The following SETD3 variants were observed in gnomAD, a reference collection of about 807,000 sequenced individuals.
The protein encoded by SETD3 is SET domain containing 3, actin N3(tau)-histidine methyltransferase, also known as actin-histidine N-methyltransferase.
Under a neutral mutation model 63.0 loss-of-function variants are expected in SETD3, and 19 were observed. The ratio of observed to expected loss-of-function variants is 0.30; its 90% CI spans 0.21 to 0.44. The LOEUF is 0.44. Ranked by LOEUF, SETD3 falls within the 20% of genes least tolerant of loss-of-function variation. The pLI is 1.00. For missense variants in SETD3, 587 were observed against 728.5 expected, an observed-to-expected ratio of 0.81 and a Z score of 2.24; for synonymous variants, 286 against 264.1, an observed-to-expected ratio of 1.08 and a Z score of -0.80.
intron 6 of SETD3, 126 bp from the exon 7 acceptor site, chr14:99,414,060 G>A (rs530543338): frequency 4.6e-4 from 373 of 806,446 alleles, no homozygotes; most frequent in Middle Eastern, 3.7e-3. Context: ...AGCAGGCGGC[G>A]TCCAGCCGCG....
At chr14:99,444,317 G>A (rs1328571557) in intron 6 of SETD3, 1 of 152,172 alleles carries the variant, frequency 6.6e-6, no homozygotes, top group Non-Finnish European at 1.5e-5. Context: ...TGCTCGCTTA[G>A]GCAGCACATA....
At chr14:99,414,089 G>A (rs959970872) in intron 6 of SETD3, among the ~76,000 whole-genome samples, 155 bp from the exon 7 acceptor site, 2 of 152,256 alleles carry the variant, frequency 1.3e-5, no homozygotes, top group African/African-American at 2.4e-5. Context: ...GGATCATCGC[G>A]CTGTTATGCT....
chr14:99,481,176 C>T (rs1325448090), upstream of SETD3: 1 of 378,122 alleles, frequency 2.6e-6, no homozygotes, highest in Non-Finnish European at 4.7e-6. Context: ...TTCGGTTGCT[C>T]CAGAATGCCT....
intron 1 of SETD3, among the ~76,000 whole-genome samples, chr14:99,466,323 A>T (rs1205552961): frequency 6.6e-6 from 1 of 152,150 alleles, no homozygotes; most frequent in African/African-American, 2.4e-5. Flanking sequence ...AGCTAGTCTA[A>T]CTCCTGCATT....
At chr14:99,415,916 A>T (rs1484106773) in intron 6 of SETD3, among the ~76,000 whole-genome samples, 2 of 152,206 alleles carry the variant, frequency 1.3e-5, no homozygotes, top group African/African-American at 4.8e-5. Context: ...ACAGTCGCAG[A>T]GTTCTTGATA....
At chr14:99,449,167 G>C (rs1894310032) in intron 6 of SETD3, among the ~76,000 whole-genome samples, 1 of 152,166 alleles carries the variant, frequency 6.6e-6, no homozygotes, top group Non-Finnish European at 1.5e-5. Flanking sequence ...CCCAATGAAT[G>C]CATGTAGAAG....
At chr14:99,449,252 T>C (rs1238598704) in intron 6 of SETD3, among the ~76,000 whole-genome samples, 2 of 152,192 alleles carry the variant, frequency 1.3e-5, no homozygotes, top group South Asian at 2.1e-4. Flanking sequence ...TCATGATAGA[T>C]ACAAAAACCA....
intron 8 of SETD3, among the ~76,000 whole-genome samples, chr14:99,408,598 A>C (rs1225373493): frequency 6.6e-6 from 1 of 152,170 alleles, no homozygotes; most frequent in African/African-American, 2.4e-5. Context: ...ATGGGTGTTT[A>C]AGGGTATTTT....
intron 8 of SETD3, among the ~76,000 whole-genome samples, chr14:99,410,734 T>A (rs1487808352): frequency 6.6e-6 from 1 of 152,250 alleles, no homozygotes; most frequent in Non-Finnish European, 1.5e-5. Context: ...AGCCTAGGTG[T>A]TCATCCAGCC....
In SETD3 at chr14:99,398,804, T is replaced by G; in HGVS notation, c.1660A>C (p.Asn554His). 6.2e-7 allele frequency: 1 copy of G among 1,614,218 alleles called. No individual in the cohort carries two copies. Among genetic ancestry groups the G allele is most frequent in the Non-Finnish European group, 8.5e-7 (1 of 1,180,042 alleles). Residue 554 changes from asparagine to histidine, a missense_variant, in exon 13 of 13, where the codon AAC (asparagine) becomes CAC (histidine). Asn to His is a moderately conservative substitution (Grantham distance 68). Transcript: ENST00000331768. The stretch of plus-strand genomic sequence containing the variant: ...CCATTAGGGATAGAGTTTTCACCGT[T>G]TACAAGCCCGTTTTCTGTGGCCTTT... ...KAKATENGLV[N>H]GENSIPNGTR...
intron 9 of SETD3, among the ~76,000 whole-genome samples, chr14:99,406,089 A>C (rs1891665434): frequency 6.6e-6 from 1 of 152,212 alleles, no homozygotes. Flanking sequence ...CAGAGATTAA[A>C]ATGAAAGTAT....
At chr14:99,450,830 T>C (rs1486096443) in intron 6 of SETD3, among the ~76,000 whole-genome samples, 5 of 152,344 alleles carry the variant, frequency 3.3e-5, no homozygotes, top group East Asian at 1.9e-4. Flanking sequence ...AATAGATATG[T>C]CTCTATTCCG....
At chr14:99,405,418 C>A in intron 9 of SETD3, 47 bp from the exon 10 acceptor site, 1 of 1,587,064 alleles carries the variant, frequency 6.3e-7, no homozygotes, top group Admixed American at 1.8e-5. Context: ...ACAAACTTGG[C>A]ATGTATTCTT....
At chr14:99,474,150 C>T (rs926842969) in intron 1 of SETD3, among the ~76,000 whole-genome samples, 4 of 151,968 alleles carry the variant, frequency 2.6e-5, no homozygotes, top group East Asian at 1.9e-4. Context: ...ATGAGACCCC[C>T]GCCAGCTCTA....
In SETD3 at chr14:99,458,553, T is replaced by G. The variant is rs1157027039; in HGVS notation, c.419-18A>C. 1 of 1,603,834 alleles carries G rather than the reference T, an allele frequency of 6.2e-7. No individual in the cohort carries two copies. Among genetic ancestry groups the G allele is most frequent in the African/African-American group, 1.3e-5 (1 of 74,292 alleles). On this transcript the variant is annotated intron_variant, in intron 5 of 12. Coordinates refer to ENST00000331768, the MANE Select transcript of SETD3 (RefSeq NM_032233.3). The stretch of plus-strand genomic sequence containing the variant: ...TAAGGGCCCTGAATTAACCCAGAAG[T>G]TAACAGCGTAAGTTCCACAAACTTC...
Position 99,475,270 on chromosome 14 carries a change from G to A in SETD3, c.-9+5458C>T, listed in dbSNP as rs373219838. On this transcript the variant is annotated intron_variant, in intron 1 of 12. Transcript: ENST00000331768. ...TGTATAGTAGCTCTCAATCCCACGCGTGTTTAAGATCATGGTGCCGGATGT... is the reference window on the plus strand; with the variant it reads ...TGTATAGTAGCTCTCAATCCCACGCATGTTTAAGATCATGGTGCCGGATGT... 3.4e-4 allele frequency among the ~76,000 whole-genome samples: 52 copies of A among 152,300 alleles called. No individual in the cohort carries two copies. In the South Asian group the frequency reaches 0.011, roughly 31 times the overall value.
upstream of SETD3, chr14:99,481,052 G>A (rs3918031): frequency 4.2e-4 from 74 of 176,682 alleles, no homozygotes; most frequent in African/African-American, 1.6e-3. Flanking sequence ...AGAGCGGCCG[G>A]CTCAGCCGCC....
At chr14:99,479,809 GA>G (rs1297447550) in intron 1 of SETD3, among the ~76,000 whole-genome samples, 6 of 152,208 alleles carry the variant, frequency 3.9e-5, no homozygotes, top group African/African-American at 1.4e-4. Context: ...TATTTATTTA[GA>G]AAAGCAAAAT....
At chr14:99,480,415 G>A (rs1238726998) in intron 1 of SETD3, among the ~76,000 whole-genome samples, 3 of 151,860 alleles carry the variant, frequency 2.0e-5, no homozygotes, top group Non-Finnish European at 4.4e-5. Context: ...GGTGGCGCGG[G>A]GCCCGGGAGC....
Sources: gnomAD v4.1 joint callset for allele counts (sites outside exome capture counted in the v4.1 genomes callset) on GRCh38, gnomAD v4.1.1 for gene constraint, MANE v1.5 for transcripts, NCBI Gene and HGNC (gene_info 2026-07-23, HGNC 2026-07-21) for gene names.